The following ENTREP2 variants were observed in gnomAD, a reference collection of about 807,000 sequenced individuals.
ENTREP2 encodes the protein protein ENTREP2.
the ENTREP2 span, among the ~76,000 whole-genome samples, chr15:29,354,361 A>G: frequency 6.6e-6 from 1 of 152,164 alleles, no homozygotes; most frequent in Non-Finnish European, 1.5e-5. Flanking sequence ...GGCCTTCACA[A>G]GTGCATGAAC....
At chr15:29,614,492 A>G in the ENTREP2 span, among the ~76,000 whole-genome samples, 1 of 152,156 alleles carries the variant, frequency 6.6e-6, no homozygotes, top group African/African-American at 2.4e-5. Flanking sequence ...TAAGTGCTCA[A>G]TAAATATTTG....
At chr15:29,628,510 A>G in the ENTREP2 span, among the ~76,000 whole-genome samples, 2 of 152,210 alleles carry the variant, frequency 1.3e-5, no homozygotes, top group East Asian at 1.9e-4. Context: ...AGAATATTCT[A>G]TCGATGTCCA....
chr15:29,422,606 G>A, the ENTREP2 span, among the ~76,000 whole-genome samples: 2 of 152,214 alleles, frequency 1.3e-5, no homozygotes, highest in Non-Finnish European at 2.9e-5. Context: ...CTGTAATGTC[G>A]GAAGTTGCTG....
At chr15:29,287,104 G>A in the ENTREP2 span, among the ~76,000 whole-genome samples, 1 of 152,142 alleles carries the variant, frequency 6.6e-6, no homozygotes, top group Admixed American at 6.5e-5. Context: ...CATGTAGACT[G>A]GCACCTCCTC....
chr15:29,530,275 A>C, the ENTREP2 span, among the ~76,000 whole-genome samples: 2 of 152,106 alleles, frequency 1.3e-5, no homozygotes, highest in Non-Finnish European at 2.9e-5. Flanking sequence ...GTTCTCTGGG[A>C]ATCTGTGCGG....
the ENTREP2 span, chr15:29,613,480 G>A: frequency 9.8e-6 from 4 of 409,292 alleles, no homozygotes; most frequent in South Asian, 8.9e-5. Flanking sequence ...CTCCTCCACA[G>A]CAAGATCCGA....
the ENTREP2 span, among the ~76,000 whole-genome samples, chr15:29,590,163 G>A: frequency 1.3e-5 from 2 of 152,138 alleles, no homozygotes; most frequent in African/African-American, 4.8e-5. Context: ...GCCTCAGGGG[G>A]TCTCAGAGCC....
the ENTREP2 span, among the ~76,000 whole-genome samples, chr15:29,297,136 C>G: frequency 0.16 from 24,676 of 152,090 alleles, 3,361 homozygotes; most frequent in African/African-American, 0.38. Context: ...CTCTCTGAAG[C>G]GAACAAAATC....
the ENTREP2 span, among the ~76,000 whole-genome samples, chr15:29,486,312 C>T: frequency 6.6e-6 from 1 of 152,028 alleles, no homozygotes; most frequent in African/African-American, 2.4e-5. Context: ...ATGATAAATA[C>T]CATGCGGTGT....
the ENTREP2 span, among the ~76,000 whole-genome samples, chr15:29,163,218 C>T: frequency 6.6e-6 from 1 of 152,164 alleles, no homozygotes. Context: ...GAAGGAACCA[C>T]AAAACCAATG....
chr15:29,605,679 T>C, the ENTREP2 span, among the ~76,000 whole-genome samples: 1 of 149,514 alleles, frequency 6.7e-6, no homozygotes, highest in South Asian at 2.2e-4. Context: ...TCTACAAAAA[T>C]ACAAAAACTA....
chr15:29,465,440 A>G, the ENTREP2 span, among the ~76,000 whole-genome samples: 22 of 152,310 alleles, frequency 1.4e-4, no homozygotes, highest in African/African-American at 5.3e-4. Flanking sequence ...AGCTCAGGGA[A>G]ACGGAGTGCC....
the ENTREP2 span, among the ~76,000 whole-genome samples, chr15:29,205,689 T>C: frequency 2.6e-5 from 4 of 152,352 alleles, no homozygotes; most frequent in African/African-American, 9.6e-5. Flanking sequence ...TGTTGAGCTG[T>C]AGGAGTTCTT....
chr15:29,577,836 G>C, the ENTREP2 span, among the ~76,000 whole-genome samples: 2 of 152,146 alleles, frequency 1.3e-5, no homozygotes, highest in Admixed American at 6.6e-5. Flanking sequence ...GTCACAAAAG[G>C]ATAAATATTG....
the ENTREP2 span, among the ~76,000 whole-genome samples, chr15:29,228,634 A>G: frequency 6.6e-6 from 1 of 152,186 alleles, no homozygotes; most frequent in African/African-American, 2.4e-5. Context: ...CCAAAAAGAA[A>G]AAGGACTCTC....
chr15:29,209,071 G>A, the ENTREP2 span, among the ~76,000 whole-genome samples: 1 of 152,200 alleles, frequency 6.6e-6, no homozygotes, highest in African/African-American at 2.4e-5. Context: ...GGGGATGCTG[G>A]AGATGTTTTA....
the ENTREP2 span, among the ~76,000 whole-genome samples, chr15:29,285,846 C>T: frequency 2.6e-5 from 4 of 152,140 alleles, no homozygotes; most frequent in Non-Finnish European, 4.4e-5. Context: ...AGAGATTCAG[C>T]TTGAGCAAGC....
At chr15:29,361,456 G>C in the ENTREP2 span, among the ~76,000 whole-genome samples, 1 of 152,076 alleles carries the variant, frequency 6.6e-6, no homozygotes. Flanking sequence ...TTCATTTCTC[G>C]ATTTCTAACT....
chr15:29,207,021 A>C, the ENTREP2 span, among the ~76,000 whole-genome samples: 9 of 152,168 alleles, frequency 5.9e-5, no homozygotes, highest in African/African-American at 2.2e-4. Context: ...GTTGGATGAC[A>C]CGGAGCCACT....
Sources: gnomAD v4.1 joint callset for allele counts (sites outside exome capture counted in the v4.1 genomes callset) on GRCh38, gnomAD v4.1.1 for gene constraint, MANE v1.5 for transcripts, NCBI Gene and HGNC (gene_info 2026-07-23, HGNC 2026-07-21) for gene names.